The following FAM161B variants were observed in gnomAD, a reference collection of about 807,000 sequenced individuals.
FAM161B encodes FAM161 centrosomal protein B.
FAM161B carries 46 observed loss-of-function variants against 61.5 expected under a neutral mutation model. The observed-to-expected ratio is 0.75, with a 90% CI of 0.59 to 0.96. The LOEUF is 0.96. Among genes scored for constraint, FAM161B ranks in the 40% least tolerant of loss-of-function variants. The pLI, the probability that FAM161B is intolerant of heterozygous loss-of-function variation, is 0.00. For synonymous variants in FAM161B, 284 were observed against 302.7 expected (o/e 0.94, Z 0.64); for missense variants, 774 against 800.7 (o/e 0.97, Z 0.40).
chr14:73,943,006 A>T (rs2056032974), intron 3 of FAM161B, among the ~76,000 whole-genome samples: 1 of 151,648 alleles, frequency 6.6e-6, no homozygotes, highest in Non-Finnish European at 1.5e-5. Flanking sequence ...ATCAGGCTGC[A>T]GAAGCAGTGA....
At chr14:73,935,753 C>T (rs1158845726) in intron 8 of FAM161B, among the ~76,000 whole-genome samples, 196 bp downstream of exon 8, 1 of 152,108 alleles carries the variant, frequency 6.6e-6, no homozygotes, top group African/African-American at 2.4e-5. Flanking sequence ...CATAATTTGT[C>T]AGATTTTATT....
At chr14:73,943,831 G>A (rs558665615) in intron 3 of FAM161B, among the ~76,000 whole-genome samples, 2 of 152,352 alleles carry the variant, frequency 1.3e-5, no homozygotes, top group Non-Finnish European at 1.5e-5. Flanking sequence ...ATGGCACAGT[G>A]CCTGGAGCAT....
downstream of FAM161B, among the ~76,000 whole-genome samples, chr14:73,931,086 G>T (rs1303417509): frequency 1.3e-5 from 2 of 152,082 alleles, no homozygotes; most frequent in Admixed American, 6.6e-5. Context: ...CTCTCATATA[G>T]TACTTATAAA....
At chr14:73,931,892 TC>T, downstream of FAM161B, 1 of 454,978 alleles carries the variant, frequency 2.2e-6, no homozygotes, top group Non-Finnish European at 4.4e-6. Context: ...AGAGTTTTCA[TC>T]CCAGACTCAG....
chr14:73,944,827 G>T lies in FAM161B; in HGVS notation c.433C>A (p.Pro145Thr). 6.5e-7 allele frequency: 1 copy of T among 1,544,744 alleles called. No individual in the cohort carries two copies. Among genetic ancestry groups the T allele is most frequent in the South Asian group, 1.2e-5 (1 of 80,408 alleles). ...LNNLPSNIPRPQTQPPSGSRP... is the reference protein window; with the variant it reads ...LNNLPSNIPRTQTQPPSGSRP... ...GAGCCTGAGGGTGGCTGGGTCTGAG[G>T]CCTGGGAATGTTGGAGGGAAGGTTG... The change falls in exon 3 of 9, where the codon CCT becomes ACT. Residue 145 changes from proline to threonine, a missense_variant. Physicochemically the swap from Pro to Thr is conservative, Grantham distance 38 (BLOSUM62 -1). Transcript: ENST00000286544.
At position 73,932,861 on chromosome 14, in the gene FAM161B, C is replaced by T. The variant is rs1366474265; in HGVS notation, c.*1395G>A. 3.6e-5 allele frequency: 6 copies of T among 165,732 alleles called. No homozygotes were observed. In the East Asian group the frequency reaches 5.2e-4, roughly 14 times the overall value. The allele number at this position is 165,732 out of a possible 1,614,324, so 10.3% of individuals were successfully genotyped here. On this transcript the variant is annotated 3_prime_UTR_variant, in exon 9 of 9. Coordinates refer to ENST00000286544, the MANE Select transcript of FAM161B (RefSeq NM_152445.3). ...CTGGTCTTGAACGCCTGGCTTCAAG[C>T]GATCCTCCTGCCTTGGCCCCTCAAA... is the stretch of plus-strand genomic sequence containing the variant.
chr14:73,938,201 G>A, intron 5 of FAM161B, 89 bp from the exon 6 acceptor site: 2 of 1,494,610 alleles, frequency 1.3e-6, no homozygotes, highest in Non-Finnish European at 1.8e-6. Context: ...GCTCACACTT[G>A]TAGTCCTAGC....
intron 1 of FAM161B, among the ~76,000 whole-genome samples, chr14:73,948,200 A>G (rs907582686): frequency 6.6e-6 from 1 of 152,254 alleles, no homozygotes; most frequent in African/African-American, 2.4e-5. Flanking sequence ...CTGGGATTAC[A>G]GGCGTGAGCC....
chr14:73,949,796 CG>C (rs1256031620), intron 1 of FAM161B, 176 bp downstream of exon 1: 9 of 815,200 alleles, frequency 1.1e-5, no homozygotes, highest in Non-Finnish European at 1.7e-5. Context: ...TCAAGAGCCT[CG>C]TATAAAGTCC....
chr14:73,926,468 T>TCAGTCTCAAGA, the FAM161B span, among the ~76,000 whole-genome samples: 6 of 152,308 alleles, frequency 3.9e-5, no homozygotes, highest in Admixed American at 3.9e-4. Context: ...AGTCTCACTC[T>TCAGTCTCAAGA]GTGGCCCAGG....
Position 73,944,562 on chromosome 14 carries a change from A to T in FAM161B, c.698T>A (p.Ile233Asn), listed in dbSNP as rs769011304. The T allele has an allele frequency of 1.4e-5, 22 of 1,613,708 alleles. No homozygotes were observed. The East Asian group carries it at 4.9e-4, about 36-fold the overall frequency. ...AHVYLPLYQE[I>N]MERSEARRQA... ...CCTTCGGGCCTCGCTGCGCTCCATG[A>T]TCTCTTGGTAGAGGGGCAGGTAGAC... Residue 233 changes from isoleucine (I) to asparagine (N), a missense_variant, in exon 3 of 9, where the codon ATC becomes AAC. Ile to Asn is a moderately radical substitution (Grantham distance 149). Transcript: ENST00000286544.
intron 7 of FAM161B, 147 bp from the exon 8 acceptor site, chr14:73,936,235 G>A (rs2055970370): frequency 2.1e-6 from 2 of 944,506 alleles, no homozygotes; most frequent in Non-Finnish European, 3.0e-6. Flanking sequence ...TTTAACCCTT[G>A]TTTTCCAGCC....
chr14:73,931,493 T>C (rs1324474203), downstream of FAM161B: 1 of 1,606,756 alleles, frequency 6.2e-7, no homozygotes, highest in African/African-American at 1.3e-5. Context: ...TTGCTTTCAA[T>C]CTTTTACAGT....
chr14:73,937,026 A>G (rs956575477), intron 7 of FAM161B, among the ~76,000 whole-genome samples: 1 of 152,050 alleles, frequency 6.6e-6, no homozygotes. Context: ...TACACTGCCT[A>G]TGGGTTAGCC....
At position 73,942,695 on chromosome 14, in the gene FAM161B, T is replaced by C; in HGVS notation, c.946A>G (p.Ile316Val). 1 of 1,613,290 alleles carries C rather than the reference T, an allele frequency of 6.2e-7. No homozygotes were observed. Among genetic ancestry groups the C allele is most frequent in the Non-Finnish European group, 8.5e-7 (1 of 1,179,420 alleles). The change falls in exon 4 of 9, where the codon ATT (isoleucine) becomes GTT (valine). Residue 316 changes from isoleucine (I) to valine (V), a missense_variant. Transcript: ENST00000286544. ...KLQEAELFRK[I>V]RIQMRALDML... ...TCCAGGGCTCTCATTTGGATGCGAA[T>C]TTTCCTGAAGAGCTCAGCTTCTGTG...
chr14:73,935,197 G>T (rs72627138), intron 8 of FAM161B, among the ~76,000 whole-genome samples: 23,370 of 152,044 alleles, frequency 0.15, 2,365 homozygotes, highest in East Asian at 0.49. Flanking sequence ...ATAATGGAGA[G>T]AAGATACTAT....
rs750968897 is a variant in FAM161B, at chr14:73,946,318, C to G, written c.342G>C (p.Gly114=). ...LESFFQDKDR[G]MVQVQCPQAL... is the part of the protein sequence containing the mutation. The stretch of plus-strand genomic sequence containing the variant: ...CCTGCGGGCACTGGACCTGCACCAT[C>G]CCCCTGTCCTTGTCTTGGAAGAAAC... The change falls in exon 2 of 9, where the codon GGG becomes GGC. Residue 114 remains glycine (G), a synonymous_variant. Transcript: ENST00000286544. 1.2e-6 allele frequency: 2 copies of G among 1,614,112 alleles called. No individual in the cohort carries two copies. The highest frequency in any genetic ancestry group is 2.2e-5 in the East Asian group (1 of 44,882).
chr14:73,931,805 G>C, downstream of FAM161B: 2 of 486,156 alleles, frequency 4.1e-6, no homozygotes, highest in Non-Finnish European at 3.8e-6. Flanking sequence ...AAATTTCTGG[G>C]ATAGACCAAA....
Position 73,932,582 on chromosome 14 carries a change from C to A in FAM161B, c.*1674G>T. 2.4e-6 allele frequency: 1 copy of A among 409,806 alleles called. No homozygotes were observed. The highest frequency in any genetic ancestry group is 1.8e-5 in the South Asian group (1 of 54,752). 25.4% of individuals were successfully genotyped at this position (409,806 alleles called of 1,614,324 possible). A position where few individuals can be genotyped will look rare whatever the true frequency, so the allele number is the denominator to read the frequency against. On this transcript the variant is annotated 3_prime_UTR_variant, in exon 9 of 9. Coordinates refer to ENST00000286544, the MANE Select transcript of FAM161B (RefSeq NM_152445.3). ...GCTTTAGTTAGAGCAGGCACTCTTG[C>A]TATCAGTCATCCTGTCTCCACAGCT...
Sources: allele counts gnomAD v4.1 joint callset (sites outside exome capture counted in the v4.1 genomes callset), GRCh38; gene constraint gnomAD v4.1.1; transcripts MANE v1.5; gene names NCBI Gene and HGNC (gene_info 2026-07-23, HGNC 2026-07-21).